Variants in CHN2 observed in about 807,000 individuals in gnomAD.
CHN2 encodes the protein chimerin 2.
Under a neutral mutation model 56.3 loss-of-function variants are expected in CHN2, and 35 were observed. The observed-to-expected ratio is 0.62, with a 90% CI of 0.47 to 0.82. The LOEUF (loss-of-function observed/expected upper bound fraction) is 0.82, where lower values mean the gene tolerates loss of function less well. Among genes scored for constraint, CHN2 ranks in the 40% least tolerant of loss-of-function variants. The pLI is 0.00. For missense variants in CHN2, 491 were observed against 580.5 expected, an observed-to-expected ratio of 0.85 and a Z score of 1.58; for synonymous variants, 210 against 212.8, an observed-to-expected ratio of 0.99 and a Z score of 0.12.
intron 1 of CHN2, chr7:29,333,007 A>C (rs1000466706): frequency 6.6e-6 from 1 of 152,096 alleles, no homozygotes; most frequent in African/African-American, 2.4e-5. Flanking sequence ...TGGAGTATTC[A>C]TGTTCATTCA....
chr7:29,478,530 G>A (rs1407336058), intron 6 of CHN2, among the ~76,000 whole-genome samples: 4 of 152,182 alleles, frequency 2.6e-5, no homozygotes, highest in African/African-American at 4.8e-5. Flanking sequence ...GGCAGGATGA[G>A]GCAGCACATG....
At chr7:29,211,546 G>A (rs1685078824) in intron 1 of CHN2, among the ~76,000 whole-genome samples, 1 of 151,778 alleles carries the variant, frequency 6.6e-6, no homozygotes, top group Admixed American at 6.6e-5. Context: ...GATGTGCTCT[G>A]AGACTGTCTT....
intron 6 of CHN2, among the ~76,000 whole-genome samples, chr7:29,468,312 A>T (rs1785741060): frequency 6.6e-6 from 1 of 152,104 alleles, no homozygotes. Context: ...GAGAGCTGGG[A>T]CTGGCTCAGC....
rs1045949851 is a variant in CHN2 at position 29,401,092 on chromosome 7, C to T, written c.576+264C>T. Reference sequence around the variant, plus strand: ...GACCATCCTGGCTAACACGGTGAAACCCCGTCTCTACAAAAAATACAAAAA... The same window carrying T: ...GACCATCCTGGCTAACACGGTGAAATCCCGTCTCTACAAAAAATACAAAAA... On this transcript the variant is annotated intron_variant, in intron 6 of 12. Coordinates refer to ENST00000222792, the MANE Select transcript of CHN2 (RefSeq NM_004067.4). 1.8e-5 allele frequency: 7 copies of T among 389,846 alleles called. No homozygotes were observed. In the East Asian group the frequency reaches 1.9e-4, roughly 11 times the overall value. The allele number at this position is 389,846 out of a possible 1,614,324, so 24.1% of individuals were successfully genotyped here. A position where few individuals can be genotyped will look rare whatever the true frequency, so the allele number is the denominator to read the frequency against.
intron 1 of CHN2, among the ~76,000 whole-genome samples, chr7:29,298,578 A>G (rs1024256562): frequency 6.6e-5 from 10 of 152,058 alleles, no homozygotes; most frequent in Admixed American, 2.0e-4. Context: ...CCTTGCTTTC[A>G]TTTTCCCAAA....
At chr7:29,175,953 G>A (rs1345992156) in intron 2 of CHN2, among the ~76,000 whole-genome samples, 2 of 152,136 alleles carry the variant, frequency 1.3e-5, no homozygotes, top group South Asian at 4.1e-4. Flanking sequence ...TTGGGAGGCC[G>A]AGGCGGGAAG....
At chr7:29,433,851 A>C (rs2128117168) in intron 6 of CHN2, among the ~76,000 whole-genome samples, 1 of 150,674 alleles carries the variant, frequency 6.6e-6, no homozygotes, top group East Asian at 2.0e-4. Flanking sequence ...CAAAAAAAAA[A>C]AGGAAGGAAG....
At chr7:29,326,778 C>G (rs947646869) in intron 1 of CHN2, among the ~76,000 whole-genome samples, 3 of 152,138 alleles carry the variant, frequency 2.0e-5, no homozygotes, top group Non-Finnish European at 4.4e-5. Flanking sequence ...ACTTGTCATT[C>G]TACCTCCACG....
intron 2 of CHN2, among the ~76,000 whole-genome samples, chr7:29,174,561 T>C (rs1797026569): frequency 6.6e-6 from 1 of 152,018 alleles, no homozygotes; most frequent in Non-Finnish European, 1.5e-5. Context: ...CCCAACACAA[T>C]GATTAAACAA....
At chr7:29,171,882 T>A (rs1796654153) in intron 2 of CHN2, among the ~76,000 whole-genome samples, 1 of 152,198 alleles carries the variant, frequency 6.6e-6, no homozygotes, top group Non-Finnish European at 1.5e-5. Flanking sequence ...ACAAATGGAC[T>A]TACGAACTGA....
At chr7:29,474,318 CT>C (rs1786408415) in intron 6 of CHN2, among the ~76,000 whole-genome samples, 1 of 152,160 alleles carries the variant, frequency 6.6e-6, no homozygotes, top group Non-Finnish European at 1.5e-5. Flanking sequence ...TTTCACATTT[CT>C]TGATATTGTT....
chr7:29,198,400 A>G (rs1410335860), intron 1 of CHN2, among the ~76,000 whole-genome samples: 1 of 152,228 alleles, frequency 6.6e-6, no homozygotes, highest in African/African-American at 2.4e-5. Flanking sequence ...TGTGTCATTT[A>G]TTCTATGGTA....
rs200507124 is a variant in CHN2 at position 29,504,682 on chromosome 7, C to CTTT, written c.914-50_914-48dup. ...CATGTAGTATAGACGTGAAATTAGT[C>CTTT]TTTTTTTTTTTTTTAGATGTTTCAA... On this transcript the variant is annotated intron_variant, in intron 9 of 12. Transcript: ENST00000222792. 4.3e-3 allele frequency: 3,758 copies of CTTT among 879,108 alleles called. 8 individuals carry two copies. Among genetic ancestry groups the CTTT allele is most frequent in the South Asian group, 6.8e-3 (416 of 61,212 alleles). The allele number at this position is 879,108 out of a possible 1,614,324, so 54.5% of individuals were successfully genotyped here.
intron 1 of CHN2, among the ~76,000 whole-genome samples, chr7:29,248,617 C>G (rs137900045): frequency 5.3e-5 from 8 of 152,322 alleles, no homozygotes; most frequent in Admixed American, 2.0e-4. Flanking sequence ...GGTTCCCTCC[C>G]TCTTAAGCCT....
chr7:29,150,489 T>G (rs1793440082), intron 2 of CHN2, among the ~76,000 whole-genome samples: 1 of 152,216 alleles, frequency 6.6e-6, no homozygotes, highest in South Asian at 2.1e-4. Flanking sequence ...AACATGCTTC[T>G]CACTGACCTA....
At chr7:29,242,403 A>G (rs772992383) in intron 1 of CHN2, among the ~76,000 whole-genome samples, 2 of 152,238 alleles carry the variant, frequency 1.3e-5, no homozygotes, top group Non-Finnish European at 2.9e-5. Context: ...GGAGCTGCAC[A>G]TTAACTGTGG....
intron 6 of CHN2, among the ~76,000 whole-genome samples, chr7:29,420,813 TTTC>T (rs1375739430): frequency 6.8e-4 from 41 of 60,702 alleles, no homozygotes; most frequent in Non-Finnish European, 2.0e-3. Flanking sequence ...TCTTCTTTTC[TTTC>T]TTTTTTTTTT....
intron 6 of CHN2, among the ~76,000 whole-genome samples, chr7:29,457,114 G>A (rs1351462752): frequency 1.3e-5 from 2 of 152,180 alleles, no homozygotes; most frequent in South Asian, 4.1e-4. Context: ...TAGCACGGGC[G>A]ATGGCCTGCA....
At chr7:29,166,908 T>C (rs1795996040) in intron 2 of CHN2, among the ~76,000 whole-genome samples, 2 of 152,168 alleles carry the variant, frequency 1.3e-5, no homozygotes, top group South Asian at 4.1e-4. Flanking sequence ...CCTTGACTAC[T>C]AGTTCTACTA....
Sources: allele counts gnomAD v4.1 joint callset (sites outside exome capture counted in the v4.1 genomes callset), GRCh38; gene constraint gnomAD v4.1.1; transcripts MANE v1.5; gene names NCBI Gene and HGNC (gene_info 2026-07-23, HGNC 2026-07-21).